YEATS4: variants seen among roughly 807,000 people sequenced by gnomAD.
The protein encoded by YEATS4 is YEATS domain-containing protein 4.
Under a neutral mutation model 30.1 loss-of-function variants are expected in YEATS4, and 17 were observed. The ratio of observed to expected loss-of-function variants is 0.56; its 90% CI spans 0.39 to 0.85. The LOEUF is 0.85. Among genes scored for constraint, YEATS4 ranks in the 40% least tolerant of loss-of-function variants. YEATS4 has a pLI of 0.00. For synonymous variants in YEATS4, 85 were observed against 87.5 expected, an observed-to-expected ratio of 0.97 and a Z score of 0.16; for missense variants, 142 against 268.3, an observed-to-expected ratio of 0.53 and a Z score of 3.29.
intron 6 of YEATS4, among the ~76,000 whole-genome samples, chr12:69,376,844 G>T (rs1318332416): frequency 6.6e-6 from 1 of 152,132 alleles, no homozygotes; most frequent in East Asian, 1.9e-4. Context: ...GCTTTTCTTT[G>T]CTGGGAGACT....
Position 69,360,007 on chromosome 12 carries a change from C to T in YEATS4, c.35C>T (p.Ser12Phe). 1 of 1,613,610 alleles carries T rather than the reference C, an allele frequency of 6.2e-7. No homozygotes were observed. The highest frequency in any genetic ancestry group is 8.5e-7 in the Non-Finnish European group (1 of 1,179,786). Residue 12 changes from serine (S) to phenylalanine (F), a missense_variant, in exon 1 of 7, where the codon TCC becomes TTC. Coordinates refer to ENST00000247843, the MANE Select transcript of YEATS4 (RefSeq NM_006530.4). ...AGAATGGCCGAATTTGGGCCTGACT[C>T]CGGCGGGAGAGTAAAGGTCAGTGCC... ...FKRMAEFGPDSGGRVKGVTIV... is the reference protein window; with the variant it reads ...FKRMAEFGPDFGGRVKGVTIV...
the YEATS4 span, among the ~76,000 whole-genome samples, chr12:69,426,678 T>C: frequency 6.6e-6 from 1 of 152,210 alleles, no homozygotes; most frequent in Non-Finnish European, 1.5e-5. Context: ...GCCTAAATTC[T>C]CCTTTAAACA....
intron 4 of YEATS4, among the ~76,000 whole-genome samples, chr12:69,369,669 TTC>T (rs1875569401): frequency 6.6e-6 from 1 of 152,256 alleles, no homozygotes; most frequent in Non-Finnish European, 1.5e-5. Context: ...CTCATCTGCT[TTC>T]TGTCTGTTCC....
rs577995328 is a variant in YEATS4 at position 69,376,314 on chromosome 12, C to T, written c.514+5339C>T. Among the ~76,000 whole-genome samples, 10 of 152,202 alleles carry T rather than the reference C, an allele frequency of 6.6e-5. No individual in the cohort carries two copies. In the East Asian group the frequency reaches 1.2e-3, roughly 18 times the overall value. Reference sequence around the variant, plus strand: ...CTGGGAGGCGGAGGTTGCAATGAGCCGAGATTGTGTCACTGCACTCCAGCC... The same window carrying T: ...CTGGGAGGCGGAGGTTGCAATGAGCTGAGATTGTGTCACTGCACTCCAGCC... On this transcript the variant is annotated intron_variant, in intron 6 of 6. Coordinates refer to ENST00000247843, the MANE Select transcript of YEATS4 (RefSeq NM_006530.4).
At chr12:69,397,284 G>A in the YEATS4 span, among the ~76,000 whole-genome samples, 1 of 152,194 alleles carries the variant, frequency 6.6e-6, no homozygotes, top group African/African-American at 2.4e-5. Context: ...GACTGTGACT[G>A]TTTTTGAAGA....
intron 4 of YEATS4, among the ~76,000 whole-genome samples, chr12:69,370,319 C>T (rs1226921874): frequency 2.6e-5 from 4 of 152,074 alleles, no homozygotes. Flanking sequence ...TTTTTCATTC[C>T]CCACAGTAAA....
At chr12:69,370,235 TTTTA>T (rs756127522) in intron 4 of YEATS4, among the ~76,000 whole-genome samples, 14 of 152,336 alleles carry the variant, frequency 9.2e-5, no homozygotes, top group Middle Eastern at 3.4e-3. Flanking sequence ...CTGACCAACT[TTTTA>T]TTTATTTATT....
chr12:69,417,501 A>G, the YEATS4 span, among the ~76,000 whole-genome samples: 1 of 152,070 alleles, frequency 6.6e-6, no homozygotes, highest in Non-Finnish European at 1.5e-5. Context: ...GATTACTTTG[A>G]GGCTTCTGAG....
the YEATS4 span, among the ~76,000 whole-genome samples, chr12:69,411,271 A>G: frequency 6.6e-6 from 1 of 152,116 alleles, no homozygotes; most frequent in African/African-American, 2.4e-5. Context: ...CTGGGACCGC[A>G]GGCCTGTGTC....
intron 2 of YEATS4, 73 bp from the exon 3 acceptor site, chr12:69,365,560 T>C: frequency 3.7e-6 from 4 of 1,076,670 alleles, no homozygotes; most frequent in Non-Finnish European, 5.6e-6. Context: ...AAACTAAGTA[T>C]ATACGCTCAG....
the YEATS4 span, among the ~76,000 whole-genome samples, chr12:69,420,585 C>A: frequency 0.013 from 1,968 of 152,078 alleles, 48 homozygotes; most frequent in African/African-American, 0.045. Context: ...GGATGGATGG[C>A]AAAAGCTACA....
chr12:69,383,731 G>A (rs1447697998), intron 6 of YEATS4, among the ~76,000 whole-genome samples: 1 of 152,186 alleles, frequency 6.6e-6, no homozygotes, highest in East Asian at 1.9e-4. Context: ...AGAACAGTAA[G>A]GTCAGAAGAT....
chr12:69,367,373 T>A (rs902438302), intron 4 of YEATS4, among the ~76,000 whole-genome samples: 4 of 151,884 alleles, frequency 2.6e-5, no homozygotes, highest in Non-Finnish European at 4.4e-5. Context: ...GGCAATAATT[T>A]TTTTTTTCTT....
At chr12:69,363,364 T>G (rs914292818) in intron 2 of YEATS4, among the ~76,000 whole-genome samples, 1 of 152,080 alleles carries the variant, frequency 6.6e-6, no homozygotes, top group Non-Finnish European at 1.5e-5. Context: ...TGTCAAAAAG[T>G]TTTTGAAAAA....
intron 6 of YEATS4, among the ~76,000 whole-genome samples, chr12:69,373,145 T>C (rs1479622972): frequency 6.6e-6 from 1 of 152,256 alleles, no homozygotes; most frequent in African/African-American, 2.4e-5. Context: ...TATTTTCTTT[T>C]GGATATATAC....
chr12:69,414,083 A>G, the YEATS4 span, among the ~76,000 whole-genome samples: 2 of 152,192 alleles, frequency 1.3e-5, no homozygotes, highest in African/African-American at 2.4e-5. Context: ...TTTACATGCT[A>G]TTGCTCATCT....
At chr12:69,411,604 T>C in the YEATS4 span, among the ~76,000 whole-genome samples, 1 of 152,200 alleles carries the variant, frequency 6.6e-6, no homozygotes, top group Non-Finnish European at 1.5e-5. Flanking sequence ...AAAGAAAATT[T>C]GAACAGGGGA....
chr12:69,374,746 A>G (rs971266750), intron 6 of YEATS4, among the ~76,000 whole-genome samples: 1 of 151,954 alleles, frequency 6.6e-6, no homozygotes, highest in Non-Finnish European at 1.5e-5. Flanking sequence ...TTTTCTTAGT[A>G]CACAACAAAA....
At chr12:69,374,398 TTC>T (rs1875761448) in intron 6 of YEATS4, among the ~76,000 whole-genome samples, 1 of 152,212 alleles carries the variant, frequency 6.6e-6, no homozygotes, top group South Asian at 2.1e-4. Context: ...TGAGATTACT[TTC>T]TTTTTTTTTA....
Sources: gnomAD v4.1 joint callset for allele counts (sites outside exome capture counted in the v4.1 genomes callset) on GRCh38, gnomAD v4.1.1 for gene constraint, MANE v1.5 for transcripts, NCBI Gene and HGNC (gene_info 2026-07-23, HGNC 2026-07-21) for gene names.